The following CTNNA2 variants were observed in gnomAD, a reference collection of about 807,000 sequenced individuals.
The protein encoded by CTNNA2 is catenin alpha-2.
Under a neutral mutation model 101.0 loss-of-function variants are expected in CTNNA2, and 42 were observed. That is an observed-to-expected ratio of 0.42 (90% CI 0.32 to 0.54). The LOEUF (loss-of-function observed/expected upper bound fraction) is 0.54. Ranked by LOEUF, CTNNA2 falls within the 20% of genes least tolerant of loss-of-function variation. The pLI is 0.14. For synonymous variants in CTNNA2, 450 were observed against 456.4 expected, an observed-to-expected ratio of 0.99 and a Z score of 0.18; for missense variants, 871 against 1,223.1, an observed-to-expected ratio of 0.71 and a Z score of 4.29.
At chr2:79,833,999 TC>T (rs1679124840) in intron 3 of CTNNA2, among the ~76,000 whole-genome samples, 2 of 152,200 alleles carry the variant, frequency 1.3e-5, no homozygotes, top group Non-Finnish European at 2.9e-5. Context: ...TTAACTATTT[TC>T]TTACTGTTGG....
intron 7 of CTNNA2, among the ~76,000 whole-genome samples, chr2:80,329,116 T>C (rs1671085868): frequency 1.3e-5 from 2 of 152,224 alleles, no homozygotes; most frequent in Admixed American, 6.5e-5. Flanking sequence ...TGCAGAAAGT[T>C]CCCGAGAATC....
At chr2:79,676,334 G>A (rs946992751) in intron 2 of CTNNA2, among the ~76,000 whole-genome samples, 1 of 152,092 alleles carries the variant, frequency 6.6e-6, no homozygotes, top group African/African-American at 2.4e-5. Flanking sequence ...GGCAATGAGG[G>A]GCTGACTTCT....
chr2:79,907,422 G>A (rs1685500582), intron 6 of CTNNA2, among the ~76,000 whole-genome samples: 2 of 152,254 alleles, frequency 1.3e-5, no homozygotes, highest in South Asian at 2.1e-4. Context: ...GAGTATGTGA[G>A]AGAAAGAGAG....
At position 80,627,976 on chromosome 2, in the gene CTNNA2, A is replaced by G. The variant is rs951022177; in HGVS notation, c.2574+8748A>G. On this transcript the variant is annotated intron_variant, in intron 18 of 18. Transcript: ENST00000402739. ...CATTCCTATTTACCAATAAGAGACA[A>G]ACAGAGAGCCAAGTCATGAGTGAAC... Among the ~76,000 whole-genome samples the G allele has an allele frequency of 5.4e-3, 824 of 152,244 alleles. 6 individuals carry two copies. The highest frequency in any genetic ancestry group is 0.018 in the African/African-American group (758 of 41,546).
At chr2:80,307,778 T>C (rs562281396) in intron 7 of CTNNA2, among the ~76,000 whole-genome samples, 1 of 152,342 alleles carries the variant, frequency 6.6e-6, no homozygotes, top group South Asian at 2.1e-4. Flanking sequence ...GCAAGTCTAG[T>C]ACTAATAGTT....
intron 16 of CTNNA2, 102 bp from the exon 17 acceptor site, chr2:80,608,082 G>A: frequency 9.1e-7 from 1 of 1,093,354 alleles, no homozygotes; most frequent in Non-Finnish European, 1.3e-6. Context: ...TGTAATTAAG[G>A]TATATGACAC....
intron 13 of CTNNA2, chr2:80,575,373 G>C (rs1193325300): frequency 6.6e-6 from 1 of 152,052 alleles, no homozygotes; most frequent in Non-Finnish European, 1.5e-5. Context: ...GGCACACTAT[G>C]GTGTTTTGTT....
intron 1 of CTNNA2, among the ~76,000 whole-genome samples, chr2:79,191,656 C>T (rs889700201): frequency 1.8e-4 from 27 of 152,148 alleles, no homozygotes; most frequent in Non-Finnish European, 4.4e-5. Context: ...AGCACAGCCT[C>T]TGGTAGAGAC....
At chr2:79,477,403 T>G (rs778260477) in intron 4 of CTNNA2, among the ~76,000 whole-genome samples, 1 of 152,116 alleles carries the variant, frequency 6.6e-6, no homozygotes, top group African/African-American at 2.4e-5. Flanking sequence ...ACTCCTGGCC[T>G]CAGGTAATCA....
At chr2:80,013,471 G>T (rs1693925987) in intron 7 of CTNNA2, among the ~76,000 whole-genome samples, 1 of 152,168 alleles carries the variant, frequency 6.6e-6, no homozygotes, top group Non-Finnish European at 1.5e-5. Flanking sequence ...CTTAAAACTA[G>T]CAGGCATTCA....
chr2:80,139,289 A>G (rs1298321956), intron 7 of CTNNA2, among the ~76,000 whole-genome samples: 2 of 152,154 alleles, frequency 1.3e-5, no homozygotes, highest in South Asian at 4.1e-4. Flanking sequence ...TGCAGCAAGG[A>G]GCCGTCAAAA....
Position 80,232,372 on chromosome 2 carries a change from T to G in CTNNA2, c.1057-160839T>G, listed in dbSNP as rs1573465242. Among the ~76,000 whole-genome samples the G allele has an allele frequency of 2.1e-3, 123 of 59,922 alleles. 4 individuals are homozygous for G. Among genetic ancestry groups the G allele is most frequent in the Non-Finnish European group, 2.4e-3 (55 of 23,072 alleles). 39.3% of individuals were successfully genotyped at this position (59,922 alleles called of 152,430 possible). On this transcript the variant is annotated intron_variant, in intron 7 of 18. Transcript: ENST00000402739. Reference sequence around the variant, plus strand: ...TTTTTTTTTTTTTTTTTTTTTTTTTTTTTTTTTTTTTTTTTTGTTAACACT... The same window carrying G: ...TTTTTTTTTTTTTTTTTTTTTTTTTGTTTTTTTTTTTTTTTTGTTAACACT...
chr2:79,307,225 A>G (rs1469339663), intron 2 of CTNNA2, among the ~76,000 whole-genome samples: 3 of 152,174 alleles, frequency 2.0e-5, no homozygotes, highest in African/African-American at 7.2e-5. Context: ...AATGTCGATC[A>G]CTTCTTTGTG....
chr2:80,444,136 A>G (rs933105120), intron 9 of CTNNA2, among the ~76,000 whole-genome samples: 2 of 152,188 alleles, frequency 1.3e-5, no homozygotes, highest in Admixed American at 1.3e-4. Context: ...ATTGGGATAG[A>G]TCAAATGGGC....
At chr2:79,517,436 A>G (rs1378035366) in intron 1 of CTNNA2, among the ~76,000 whole-genome samples, 2 of 152,142 alleles carry the variant, frequency 1.3e-5, no homozygotes, top group African/African-American at 2.4e-5. Context: ...CCTCCTGAAT[A>G]TTATCTTAAG....
At chr2:79,930,268 A>AG (rs1687305471) in intron 7 of CTNNA2, among the ~76,000 whole-genome samples, 3 of 9,476 alleles carry the variant, frequency 3.2e-4, no homozygotes, top group Middle Eastern at 0.05. Flanking sequence ...GAAAGAAAGA[A>AG]AGAAAGAAAG....
intron 1 of CTNNA2, chr2:79,575,649 C>T (rs1394606325): frequency 6.6e-6 from 1 of 152,228 alleles, no homozygotes; most frequent in Admixed American, 6.5e-5. Context: ...AGGACAGACA[C>T]TTGTCCATCA....
chr2:80,342,744 G>T (rs779870156), intron 7 of CTNNA2, among the ~76,000 whole-genome samples: 6 of 152,044 alleles, frequency 3.9e-5, no homozygotes, highest in Admixed American at 2.0e-4. Flanking sequence ...TTTTAACAAA[G>T]ACCTCAATTC....
intron 8 of CTNNA2, among the ~76,000 whole-genome samples, chr2:80,395,542 A>C (rs1677933126): frequency 1.3e-5 from 2 of 152,154 alleles, no homozygotes; most frequent in Admixed American, 6.5e-5. Context: ...ATCTAAATTG[A>C]AGCTACCTAG....
Sources: gnomAD v4.1 joint callset for allele counts (sites outside exome capture counted in the v4.1 genomes callset) on GRCh38, gnomAD v4.1.1 for gene constraint, MANE v1.5 for transcripts, NCBI Gene and HGNC (gene_info 2026-07-23, HGNC 2026-07-21) for gene names.